Variants in KCND3 observed in about 807,000 individuals in gnomAD.
KCND3 encodes potassium voltage-gated channel subfamily D member 3.
A neutral mutation model predicts 51.1 loss-of-function variants in KCND3; 9 were observed. The observed-to-expected ratio is 0.18, with a 90% CI of 0.11 to 0.31. The LOEUF is 0.31. Ranked by LOEUF, KCND3 falls within the 10% of genes least tolerant of loss-of-function variation. KCND3 has a pLI of 1.00. For missense variants in KCND3, 526 were observed against 903.8 expected (o/e 0.58, Z 5.36); for synonymous variants, 349 against 368.0 (o/e 0.95, Z 0.59).
At chr1:111,959,965 A>C (rs908391224) in intron 2 of KCND3, among the ~76,000 whole-genome samples, 1 of 151,856 alleles carries the variant, frequency 6.6e-6, no homozygotes, top group Admixed American at 6.6e-5. Context: ...TTCTCACTAG[A>C]TATGATGGTT....
At chr1:111,926,813 C>T (rs982678049) in intron 2 of KCND3, among the ~76,000 whole-genome samples, 2 of 152,276 alleles carry the variant, frequency 1.3e-5, no homozygotes, top group South Asian at 2.1e-4. Context: ...ACTGCTAGAT[C>T]GTCAGCCTGG....
At chr1:111,984,237 C>G (rs1675135384) in intron 1 of KCND3, among the ~76,000 whole-genome samples, 1 of 152,188 alleles carries the variant, frequency 6.6e-6, no homozygotes, top group Non-Finnish European at 1.5e-5. Context: ...TTCACCTTCT[C>G]CTGACTCCCA....
rs1663905990 is a variant in KCND3, at chr1:111,771,490, T to A, written c.*4587A>T. On this transcript the variant is annotated 3_prime_UTR_variant, in exon 8 of 8. Coordinates refer to ENST00000302127, the MANE Select transcript of KCND3 (RefSeq NM_001378969.1). The stretch of plus-strand genomic sequence containing the variant: ...GGGATATTTTTGCCTTATAGTTACC[T>A]GGTAATTGAAGTGGGAGACTGGAAA... 6.6e-6 allele frequency: 1 copy of A among 152,224 alleles called. No homozygotes were observed. 9.4% of individuals were successfully genotyped at this position (152,224 alleles called of 1,614,324 possible).
intron 5 of KCND3, among the ~76,000 whole-genome samples, chr1:111,779,954 A>G (rs1664300011): frequency 6.6e-6 from 1 of 152,174 alleles, no homozygotes; most frequent in African/African-American, 2.4e-5. Context: ...AATAATCAAG[A>G]AATGGGCTGT....
At chr1:111,972,079 G>A (rs1035692392) in intron 2 of KCND3, among the ~76,000 whole-genome samples, 3 of 151,412 alleles carry the variant, frequency 2.0e-5, no homozygotes, top group African/African-American at 7.3e-5. Flanking sequence ...CCTATCAAAT[G>A]AATTCCTTAG....
intron 2 of KCND3, among the ~76,000 whole-genome samples, chr1:111,890,493 T>G (rs968357395): frequency 1.3e-5 from 2 of 152,172 alleles, no homozygotes; most frequent in Non-Finnish European, 2.9e-5. Context: ...TTGAGCCCAT[T>G]GAGTTTGAGA....
intron 2 of KCND3, among the ~76,000 whole-genome samples, chr1:111,966,983 A>C (rs1674025565): frequency 6.6e-6 from 1 of 152,068 alleles, no homozygotes; most frequent in South Asian, 2.1e-4. Flanking sequence ...ACTACTAAAA[A>C]TACAAAAAAA....
rs886363049 is a variant in KCND3, at chr1:111,907,408, C to T, written c.1106+74213G>A. Among the ~76,000 whole-genome samples the T allele has an allele frequency of 1.2e-4, 18 of 152,310 alleles. 1 individual carries two copies. The highest frequency in any genetic ancestry group is 4.1e-4 in the African/African-American group (17 of 41,560). ...AATGACATGGCGTTCATCTTGGTGG[C>T]CTCTGTCTCTCAGATCAACTGCCCT... is the stretch of plus-strand genomic sequence containing the variant. On this transcript the variant is annotated intron_variant, in intron 2 of 7. Coordinates refer to ENST00000302127, the MANE Select transcript of KCND3 (RefSeq NM_001378969.1).
intron 3 of KCND3, among the ~76,000 whole-genome samples, chr1:111,786,675 G>A (rs1664617193): frequency 6.6e-6 from 1 of 152,200 alleles, no homozygotes; most frequent in African/African-American, 2.4e-5. Flanking sequence ...TGAGGGAGTG[G>A]AGGTGGAGCC....
At chr1:111,840,405 T>C (rs2101639743) in intron 2 of KCND3, among the ~76,000 whole-genome samples, 1 of 152,228 alleles carries the variant, frequency 6.6e-6, no homozygotes, top group East Asian at 1.9e-4. Flanking sequence ...ATTCTTTGCG[T>C]CTTCATTGGT....
At chr1:111,976,445 C>A (rs1392731581) in intron 2 of KCND3, among the ~76,000 whole-genome samples, 4 of 152,226 alleles carry the variant, frequency 2.6e-5, no homozygotes, top group Non-Finnish European at 4.4e-5. Context: ...CATCGGTTCT[C>A]ATATCGCCAG....
At position 111,982,496 on chromosome 1, in the gene KCND3, C is replaced by A. The variant is rs1442921448; in HGVS notation, c.231G>T (p.Glu77Asp). Residue 77 changes from glutamate to aspartate, a missense_variant, in exon 2 of 8, where the codon GAG (glutamate) becomes GAT (aspartate). Physicochemically the swap from Glu to Asp is conservative, Grantham distance 45 (BLOSUM62 2). Transcript: ENST00000302127. The surrounding 1 kb of genome is among the most constrained non-coding windows in gnomAD (Gnocchi z 8.5). ...GGTCGAAGAAGTACTCCTTGGTGTC[C>A]TCGTTGAAGAAGAACTCCTTCTCCG... ...GSTEKEFFFN[E>D]DTKEYFFDRD... The A allele has an allele frequency of 6.2e-7, 1 of 1,607,962 alleles. No homozygotes were observed. Among genetic ancestry groups the A allele is most frequent in the Non-Finnish European group, 8.5e-7 (1 of 1,175,346 alleles).
In KCND3 at chr1:111,885,808, G is replaced by C. The variant is rs1407987676; in HGVS notation, c.1106+95813C>G. Among the ~76,000 whole-genome samples the C allele has an allele frequency of 2.0e-5, 3 of 152,218 alleles. No homozygotes were observed. In the East Asian group the frequency reaches 5.8e-4, roughly 29 times the overall value. ...CTGCCTCAGCCTCCTGAGTAGCTGG[G>C]ATTACAGGCGCCTGCCACCATGCCC... On this transcript the variant is annotated intron_variant, in intron 2 of 7. Transcript: ENST00000302127.
chr1:111,970,997 T>A (rs529550935), intron 2 of KCND3, among the ~76,000 whole-genome samples: 1 of 152,268 alleles, frequency 6.6e-6, no homozygotes, highest in East Asian at 1.9e-4. Context: ...ATCTGACATT[T>A]TTCTCCAAGG....
At position 111,929,164 on chromosome 1, in the gene KCND3, C is replaced by T. The variant is rs185511729; in HGVS notation, c.1106+52457G>A. ...AATCAGGTATTCTCACACCAACCAG[C>T]CCACGCCCAGACCTTGCCTGCCTTG... On this transcript the variant is annotated intron_variant, in intron 2 of 7. Coordinates refer to ENST00000302127, the MANE Select transcript of KCND3 (RefSeq NM_001378969.1). Among the ~76,000 whole-genome samples, 143 of 152,332 alleles carry T rather than the reference C, an allele frequency of 9.4e-4. 1 individual carries two copies. Among genetic ancestry groups the T allele is most frequent in the Admixed American group, 7.7e-3 (118 of 15,300 alleles).
At position 111,792,450 on chromosome 1, in the gene KCND3, A is replaced by G. The variant is rs572037075; in HGVS notation, c.1107-5344T>C. 2.2e-4 allele frequency among the ~76,000 whole-genome samples: 33 copies of G among 152,258 alleles called. No homozygotes were observed. In the South Asian group the frequency reaches 6.8e-3, roughly 32 times the overall value. On this transcript the variant is annotated intron_variant, in intron 2 of 7. Transcript: ENST00000302127. ...TCAGGGAAGGACAGAAGGGGAAGTG[A>G]GGGTGGGGCTAGAGAGAGGATGGCT...
rs61088602 is a variant in KCND3 at position 111,940,073 on chromosome 1, G to GTTTTTTTTTTTTTTTTT, written c.1106+41531_1106+41547dup. 1.9e-3 allele frequency among the ~76,000 whole-genome samples: 162 copies of GTTTTTTTTTTTTTTTTT among 85,468 alleles called. 1 individual carries two copies. Among genetic ancestry groups the GTTTTTTTTTTTTTTTTT allele is most frequent in the Middle Eastern group, 8.1e-3 (1 of 124 alleles). 56.1% of individuals were successfully genotyped at this position (85,468 alleles called of 152,430 possible). On this transcript the variant is annotated intron_variant, in intron 2 of 7. Coordinates refer to ENST00000302127, the MANE Select transcript of KCND3 (RefSeq NM_001378969.1). Reference sequence around the variant, plus strand: ...TATATCCTTCGCCTACTTTTTGATGGTTTTTTTTTTTTTTTTTTTTTTTGT... The same window carrying GTTTTTTTTTTTTTTTTT: ...TATATCCTTCGCCTACTTTTTGATGGTTTTTTTTTTTTTTTTTTTTTTTTTTTTTTTTTTTTTTTTGT...
Position 111,951,186 on chromosome 1 carries a change from G to T in KCND3, c.1106+30435C>A, listed in dbSNP as rs918557318. Among the ~76,000 whole-genome samples, 14 of 78,476 alleles carry T rather than the reference G, an allele frequency of 1.8e-4. No individual in the cohort carries two copies. In the East Asian group the frequency reaches 2.7e-3, roughly 15 times the overall value. 51.5% of individuals were successfully genotyped at this position (78,476 alleles called of 152,430 possible). On this transcript the variant is annotated intron_variant, in intron 2 of 7. Transcript: ENST00000302127. ...AAAAAAAAAAAAAAAAAAAAAAAAA[G>T]ACCTATAGTAACAACAGCCTGCATT...
intron 3 of KCND3, among the ~76,000 whole-genome samples, chr1:111,782,378 C>T (rs1440117804): frequency 6.6e-6 from 1 of 151,960 alleles, no homozygotes; most frequent in Non-Finnish European, 1.5e-5. Flanking sequence ...GAAGACTGCT[C>T]CTCTTGATGA....
Sources: gnomAD v4.1 joint callset for allele counts (sites outside exome capture counted in the v4.1 genomes callset) on GRCh38, gnomAD v4.1.1 for gene constraint, Gnocchi (gnomAD v3.1) non-coding constraint, MANE v1.5 for transcripts, NCBI Gene and HGNC (gene_info 2026-07-23, HGNC 2026-07-21) for gene names.